The following TMC1 variants were observed in gnomAD, a reference collection of about 807,000 sequenced individuals.
TMC1 encodes transmembrane channel like 1.
In TMC1, 84 loss-of-function variants were observed where a neutral mutation model predicts 105.8. The observed-to-expected ratio is 0.79, with a 90% CI of 0.67 to 0.95. The LOEUF (loss-of-function observed/expected upper bound fraction) is 0.95. TMC1 is among the 40% of genes least tolerant of loss of function. TMC1 has a pLI of 0.00. For synonymous variants in TMC1, 315 were observed against 311.5 expected (o/e 1.01, Z -0.12); for missense variants, 817 against 914.1 (o/e 0.89, Z 1.37).
At position 72,701,262 on chromosome 9, in the gene TMC1, A is replaced by T. The variant is rs184963345; in HGVS notation, c.362+619A>T. Among the ~76,000 whole-genome samples the T allele has an allele frequency of 1.6e-3, 238 of 152,346 alleles. 1 individual carries two copies. Among genetic ancestry groups the T allele is most frequent in the African/African-American group, 5.4e-3 (224 of 41,584 alleles). On this transcript the variant is annotated intron_variant, in intron 8 of 23. Coordinates refer to ENST00000297784, the MANE Select transcript of TMC1 (RefSeq NM_138691.3). ...CTAATAGCTATTCCCCGAACATGTC[A>T]GTGACCCAATTTCAGTCTTATGTTG...
At chr9:72,528,928 A>C (rs117605318) in intron 1 of TMC1, among the ~76,000 whole-genome samples, 4 of 152,288 alleles carry the variant, frequency 2.6e-5, no homozygotes, top group African/African-American at 9.6e-5. Flanking sequence ...TTGGAAAAAA[A>C]AATGTGTCTG....
chr9:72,728,563 A>G (rs1827159179), intron 8 of TMC1, among the ~76,000 whole-genome samples: 1 of 152,148 alleles, frequency 6.6e-6, no homozygotes, highest in Admixed American at 6.6e-5. Flanking sequence ...AATATGGCAC[A>G]TAATCCTGAC....
chr9:72,696,948 A>G (rs1826561285), intron 7 of TMC1, among the ~76,000 whole-genome samples: 1 of 152,188 alleles, frequency 6.6e-6, no homozygotes, highest in Admixed American at 6.5e-5. Context: ...GTGATTCTAG[A>G]AAAGCAGGTT....
chr9:72,774,726 A>T (rs1343531397), intron 13 of TMC1, among the ~76,000 whole-genome samples: 1 of 152,208 alleles, frequency 6.6e-6, no homozygotes, highest in Non-Finnish European at 1.5e-5. Flanking sequence ...AAACAGCAAG[A>T]CAACTCAAAA....
chr9:72,570,161 G>T (rs1455836459), intron 1 of TMC1, among the ~76,000 whole-genome samples: 1 of 151,906 alleles, frequency 6.6e-6, no homozygotes, highest in African/African-American at 2.4e-5. Flanking sequence ...ATTGGCTTCT[G>T]AGAACGTAAC....
At chr9:72,742,148 T>G (rs962647879) in intron 9 of TMC1, among the ~76,000 whole-genome samples, 1 of 152,262 alleles carries the variant, frequency 6.6e-6, no homozygotes, top group African/African-American at 2.4e-5. Context: ...TATTATGTGC[T>G]AATCCCCTGC....
chr9:72,748,659 T>C (rs1439100773), intron 10 of TMC1, among the ~76,000 whole-genome samples: 1 of 152,236 alleles, frequency 6.6e-6, no homozygotes, highest in African/African-American at 2.4e-5. Context: ...CAGTTTTAGT[T>C]AACAACATCC....
At chr9:72,738,479 A>T (rs1201889880) in intron 8 of TMC1, among the ~76,000 whole-genome samples, 1 of 151,978 alleles carries the variant, frequency 6.6e-6, no homozygotes, top group Non-Finnish European at 1.5e-5. Context: ...ATGCAGTGGC[A>T]CAATCACAGC....
At chr9:72,825,218 G>A (rs967383770) in intron 20 of TMC1, among the ~76,000 whole-genome samples, 1 of 152,186 alleles carries the variant, frequency 6.6e-6, no homozygotes, top group African/African-American at 2.4e-5. Context: ...CATGCATTAA[G>A]CATTGATTCT....
At chr9:72,805,174 T>G (rs1159589027) in intron 17 of TMC1, 3 of 420,446 alleles carry the variant, frequency 7.1e-6, no homozygotes, top group Non-Finnish European at 8.4e-6. Flanking sequence ...AACTTTTGAT[T>G]TAGTAAACGG....
In TMC1 at chr9:72,782,388, G is replaced by A. The variant is rs904790120; in HGVS notation, c.885-5951G>A. On this transcript the variant is annotated intron_variant, in intron 13 of 23. Coordinates refer to ENST00000297784, the MANE Select transcript of TMC1 (RefSeq NM_138691.3). The stretch of plus-strand genomic sequence containing the variant: ...GGCAAAAGCTGGAAGCATTATCCTT[G>A]AGAACTGGAACAAGACAAGGATACC... 1.3e-5 allele frequency among the ~76,000 whole-genome samples: 2 copies of A among 152,242 alleles called. 1 individual carries two copies. The highest frequency in any genetic ancestry group is 6.8e-3 in the Middle Eastern group (2 of 294).
chr9:72,816,324 T>C (rs1348142255), intron 19 of TMC1, 114 bp downstream of exon 19: 2 of 1,051,214 alleles, frequency 1.9e-6, no homozygotes, highest in African/African-American at 1.6e-5. Context: ...TAACTCCATA[T>C]TTACTTTTGC....
rs117424634 is a variant in TMC1 at position 72,686,866 on chromosome 9, A to C, written c.17-1843A>C. ...GCTCTGTTTTAGTTCTCTACTTGCC[A>C]CCACAGGGAATATCTTCCCTTATGG... On this transcript the variant is annotated intron_variant, in intron 5 of 23. Transcript: ENST00000297784. 9.2e-5 allele frequency among the ~76,000 whole-genome samples: 14 copies of C among 152,238 alleles called. No homozygotes were observed. In the East Asian group the frequency reaches 2.7e-3, roughly 29 times the overall value.
At chr9:72,715,312 T>G (rs1443400665) in intron 8 of TMC1, among the ~76,000 whole-genome samples, 2 of 152,218 alleles carry the variant, frequency 1.3e-5, no homozygotes, top group Non-Finnish European at 2.9e-5. Context: ...TGGCTTGCCT[T>G]GCTAGCTTGG....
intron 4 of TMC1, among the ~76,000 whole-genome samples, chr9:72,638,811 A>G (rs921869475): frequency 6.6e-6 from 1 of 152,158 alleles, no homozygotes; most frequent in African/African-American, 2.4e-5. Context: ...TTTTCTGAGA[A>G]CGGTCAAGAG....
chr9:72,802,254 T>TATACATAC (rs33965711), intron 17 of TMC1, among the ~76,000 whole-genome samples: 1,901 of 149,272 alleles, frequency 0.013, 38 homozygotes, highest in African/African-American at 0.041. Context: ...TACATACATA[T>TATACATAC]ATACATACAT....
At chr9:72,824,258 C>T (rs1320329798) in intron 20 of TMC1, among the ~76,000 whole-genome samples, 1 of 152,204 alleles carries the variant, frequency 6.6e-6, no homozygotes, top group Non-Finnish European at 1.5e-5. Context: ...TTCCTGAGTT[C>T]CACCATCCTC....
intron 10 of TMC1, among the ~76,000 whole-genome samples, chr9:72,748,867 T>C (rs1400987164): frequency 6.6e-6 from 1 of 152,250 alleles, no homozygotes; most frequent in Admixed American, 6.5e-5. Context: ...CTTTGTCTTC[T>C]GGATTTCTTA....
At chr9:72,829,175 C>T (rs981393774) in intron 21 of TMC1, among the ~76,000 whole-genome samples, 2 of 152,146 alleles carry the variant, frequency 1.3e-5, no homozygotes, top group Non-Finnish European at 2.9e-5. Flanking sequence ...ATTTTTGGGG[C>T]CCATACAATT....
Sources: allele counts gnomAD v4.1 joint callset (sites outside exome capture counted in the v4.1 genomes callset), GRCh38; gene constraint gnomAD v4.1.1; transcripts MANE v1.5; gene names NCBI Gene and HGNC (gene_info 2026-07-23, HGNC 2026-07-21).